MYMX: variants seen among roughly 807,000 people sequenced by gnomAD.
MYMX encodes protein myomixer.
chr6:44,206,870 A>G, the MYMX span, among the ~76,000 whole-genome samples: 2 of 152,058 alleles, frequency 1.3e-5, no homozygotes, highest in Non-Finnish European at 2.9e-5. Context: ...ACAGGCTGGG[A>G]GCCCGAGACA....
chr6:44,212,407 A>AAAAT (rs35574545), upstream of MYMX, among the ~76,000 whole-genome samples: 53,710 of 146,248 alleles, frequency 0.37, 9,999 homozygotes, highest in South Asian at 0.41. Flanking sequence ...CCTGTCTCAA[A>AAAAT]AAATAAATAA....
At chr6:44,205,372 A>G in the MYMX span, among the ~76,000 whole-genome samples, 4 of 152,354 alleles carry the variant, frequency 2.6e-5, no homozygotes, top group East Asian at 7.7e-4. Context: ...AAGGACAAAG[A>G]AAAAGGAAAA....
the MYMX span, among the ~76,000 whole-genome samples, chr6:44,205,997 A>C: frequency 7.7e-6 from 1 of 129,116 alleles, no homozygotes; most frequent in Admixed American, 8.1e-5. Context: ...AAAAAACAAA[A>C]CAAAAAAAAA....
chr6:44,198,154 CTTTTTT>C, the MYMX span, among the ~76,000 whole-genome samples: 128 of 79,764 alleles, frequency 1.6e-3, no homozygotes, highest in Admixed American at 0.011. Context: ...CCAAATTCCT[CTTTTTT>C]TTTTTTTTTT....
the MYMX span, among the ~76,000 whole-genome samples, chr6:44,206,238 A>G: frequency 6.6e-6 from 1 of 151,184 alleles, no homozygotes; most frequent in East Asian, 1.9e-4. Context: ...TTTTTATTTT[A>G]TTTTATTTTT....
At chr6:44,211,343 T>C in the MYMX span, among the ~76,000 whole-genome samples, 1 of 152,184 alleles carries the variant, frequency 6.6e-6, no homozygotes, top group African/African-American at 2.4e-5. Context: ...AACTAATGCA[T>C]ACTTTCGGTT....
At chr6:44,211,788 T>TGTGTGTGTGTGTGTGTGTG in the MYMX span, among the ~76,000 whole-genome samples, 2 of 126,382 alleles carry the variant, frequency 1.6e-5, no homozygotes, top group Non-Finnish European at 3.2e-5. Flanking sequence ...CAGCTAGGTT[T>TGTGTGTGTGTGTGTGTGTG]TGTGTGTGTG....
chr6:44,194,749 C>T, the MYMX span, among the ~76,000 whole-genome samples: 2 of 151,990 alleles, frequency 1.3e-5, no homozygotes, highest in Non-Finnish European at 2.9e-5. Context: ...CACACTGCCT[C>T]GACTTCTGGG....
upstream of MYMX, among the ~76,000 whole-genome samples, chr6:44,213,757 A>G (rs1298551144): frequency 6.6e-6 from 1 of 152,144 alleles, no homozygotes; most frequent in Non-Finnish European, 1.5e-5. Flanking sequence ...ATCCTATTTA[A>G]TCAAGAGTTT....
the MYMX span, among the ~76,000 whole-genome samples, chr6:44,211,766 C>T: frequency 4.5e-5 from 6 of 133,540 alleles, no homozygotes; most frequent in Admixed American, 1.5e-4. Context: ...TACAGGCACA[C>T]GCCACCATGT....
At chr6:44,212,654 A>G (rs1407830785), upstream of MYMX, among the ~76,000 whole-genome samples, 1 of 151,882 alleles carries the variant, frequency 6.6e-6, no homozygotes, top group African/African-American at 2.4e-5. Flanking sequence ...AATTTTGTAT[A>G]GTCAAACTGA....
intron 1 of MYMX, among the ~76,000 whole-genome samples, chr6:44,217,189 G>A (rs1312748278): frequency 6.6e-6 from 1 of 152,142 alleles, no homozygotes; most frequent in East Asian, 1.9e-4. Flanking sequence ...AGGAATGCCT[G>A]GAGCTGGGAA....
rs1775968429 is a variant in MYMX at position 44,217,877 on chromosome 6, C to T, written c.*151C>T. 2.5e-6 allele frequency: 1 copy of T among 398,804 alleles called. No individual in the cohort carries two copies. The highest frequency in any genetic ancestry group is 4.4e-6 in the Non-Finnish European group (1 of 226,114). 24.7% of individuals were successfully genotyped at this position (398,804 alleles called of 1,614,324 possible). ...GGGATCTGCCACAGACATGCCTCTC[C>T]ACTCCCAACAGAAATGTCTTTCTGG... is the stretch of plus-strand genomic sequence containing the variant. On this transcript the variant is annotated 3_prime_UTR_variant, in exon 2 of 2. Coordinates refer to ENST00000573382, the MANE Select transcript of MYMX (RefSeq NM_001315494.2).
At chr6:44,217,202 GCA>G (rs1775925227) in intron 1 of MYMX, among the ~76,000 whole-genome samples, 1 of 152,162 alleles carries the variant, frequency 6.6e-6, no homozygotes, top group South Asian at 2.1e-4. Context: ...GCTGGGAACG[GCA>G]AGCTGTAGGT....
chr6:44,194,810 A>G, the MYMX span, among the ~76,000 whole-genome samples: 3 of 152,148 alleles, frequency 2.0e-5, no homozygotes, highest in East Asian at 3.9e-4. Context: ...AAAAAGATGG[A>G]AGAGAGTTTG....
At chr6:44,198,180 T>C in the MYMX span, among the ~76,000 whole-genome samples, 58 of 124,248 alleles carry the variant, frequency 4.7e-4, no homozygotes, top group African/African-American at 1.8e-3. Context: ...TTTTTTTTTT[T>C]GAGATAGAGT....
chr6:44,194,719 G>T, the MYMX span, among the ~76,000 whole-genome samples: 1 of 152,140 alleles, frequency 6.6e-6, no homozygotes, highest in Non-Finnish European at 1.5e-5. Context: ...TGCCAGCACC[G>T]CACTCCCTAA....
the MYMX span, among the ~76,000 whole-genome samples, chr6:44,210,438 C>T: frequency 6.6e-6 from 1 of 152,032 alleles, no homozygotes; most frequent in Admixed American, 6.6e-5. Flanking sequence ...CACCACCACT[C>T]CTGGCTGATG....
chr6:44,204,380 C>T, the MYMX span, among the ~76,000 whole-genome samples: 6 of 152,206 alleles, frequency 3.9e-5, no homozygotes, highest in Admixed American at 6.5e-5. Context: ...GATAAAGACC[C>T]TTTTGGTAGG....
Sources: allele counts gnomAD v4.1 joint callset (sites outside exome capture counted in the v4.1 genomes callset), GRCh38; gene constraint gnomAD v4.1.1; transcripts MANE v1.5; gene names NCBI Gene and HGNC (gene_info 2026-07-23, HGNC 2026-07-21).